The following CD48 variants were observed in gnomAD, a reference collection of about 807,000 sequenced individuals.
CD48 encodes the protein CD48 antigen.
A neutral mutation model predicts 22.0 loss-of-function variants in CD48; 20 were observed. The observed-to-expected ratio is 0.91, with a 90% CI of 0.64 to 1.32. The LOEUF is 1.32. Among genes scored for constraint, CD48 ranks in the 40% most tolerant of loss-of-function variants. The pLI is 0.00. For synonymous variants in CD48, 110 were observed against 110.1 expected, an observed-to-expected ratio of 1.00 and a Z score of 0.01; for missense variants, 307 against 286.5, an observed-to-expected ratio of 1.07 and a Z score of -0.52.
intron 3 of CD48, among the ~76,000 whole-genome samples, chr1:160,680,216 C>T (rs865928240): frequency 5.9e-5 from 9 of 152,258 alleles, no homozygotes; most frequent in East Asian, 5.8e-4. Flanking sequence ...AGAATGTGTA[C>T]GCTAGGGCTC....
At position 160,687,212 on chromosome 1, in the gene CD48, C is replaced by T. The variant is rs567925422; in HGVS notation, c.83-2023G>A. 1.2e-4 allele frequency among the ~76,000 whole-genome samples: 18 copies of T among 152,218 alleles called. No individual in the cohort carries two copies. The East Asian group carries it at 1.5e-3, about 13-fold the overall frequency. On this transcript the variant is annotated intron_variant, in intron 1 of 3. Transcript: ENST00000368046. ...TATGGCTCTGTTCTGCCTGGCTCAC[C>T]GGTGGTCAGAGTTTAAGGTTATCTC... is the stretch of plus-strand genomic sequence containing the variant.
At chr1:160,679,716 T>C (rs776769359) in intron 3 of CD48, among the ~76,000 whole-genome samples, 1 of 152,172 alleles carries the variant, frequency 6.6e-6, no homozygotes, top group African/African-American at 2.4e-5. Flanking sequence ...TCTAGGATAA[T>C]TTCGGTGACT....
Position 160,709,200 on chromosome 1 carries a change from C to T in CD48, c.82+2482G>A, listed in dbSNP as rs541446782. On this transcript the variant is annotated intron_variant, in intron 1 of 3. Coordinates refer to ENST00000368046, the MANE Select transcript of CD48 (RefSeq NM_001778.4). ...GAGATGATGACTTAAGTTTTAGACA[C>T]GTGTCTGGAGAGTCTAGAGAAGATG... Among the ~76,000 whole-genome samples the T allele has an allele frequency of 1.1e-3, 166 of 152,168 alleles. 1 individual carries two copies. The highest frequency in any genetic ancestry group is 3.7e-3 in the African/African-American group (153 of 41,508).
At position 160,701,630 on chromosome 1, in the gene CD48, A is replaced by G. The variant is rs115141229; in HGVS notation, c.82+10052T>C. Among the ~76,000 whole-genome samples the G allele has an allele frequency of 4.7e-3, 720 of 152,208 alleles. 7 individuals are homozygous for G. Among genetic ancestry groups the G allele is most frequent in the African/African-American group, 0.017 (689 of 41,540 alleles). On this transcript the variant is annotated intron_variant, in intron 1 of 3. Coordinates refer to ENST00000368046, the MANE Select transcript of CD48 (RefSeq NM_001778.4). ...TGGGAGCACTAGAAGAGTTATGTGG[A>G]ATATTAATTTCAGCCCTCTATTTTG...
Position 160,690,011 on chromosome 1 carries a change from G to A in CD48, c.83-4822C>T, listed in dbSNP as rs1426084328. Among the ~76,000 whole-genome samples, 143 of 152,298 alleles carry A rather than the reference G, an allele frequency of 9.4e-4. 1 individual carries two copies. On this transcript the variant is annotated intron_variant, in intron 1 of 3. Transcript: ENST00000368046. ...AAGTAAATAATGCCAAATGTAATTG[G>A]GAGTGTGGAGTAGTTAAATCATGTT... is the stretch of plus-strand genomic sequence containing the variant.
chr1:160,710,063 T>C (rs978873172), intron 1 of CD48, among the ~76,000 whole-genome samples: 1 of 152,120 alleles, frequency 6.6e-6, no homozygotes, highest in African/African-American at 2.4e-5. Context: ...AAAGAAGGCA[T>C]GTACATAAGC....
chr1:160,695,140 G>T (rs1662368191), intron 1 of CD48, among the ~76,000 whole-genome samples: 1 of 152,116 alleles, frequency 6.6e-6, no homozygotes, highest in Non-Finnish European at 1.5e-5. Context: ...TGAAAAATTT[G>T]CCTTTACTAT....
At chr1:160,702,384 G>A (rs1171530353) in intron 1 of CD48, among the ~76,000 whole-genome samples, 3 of 152,132 alleles carry the variant, frequency 2.0e-5, no homozygotes, top group Admixed American at 2.0e-4. Flanking sequence ...TGTGCTGGGG[G>A]TTGCACTGGG....
intron 1 of CD48, among the ~76,000 whole-genome samples, chr1:160,706,287 T>G (rs1662792897): frequency 6.6e-6 from 1 of 152,164 alleles, no homozygotes; most frequent in South Asian, 2.1e-4. Flanking sequence ...TTGGTCAGGC[T>G]AGTCTCAAAC....
At position 160,681,208 on chromosome 1, in the gene CD48, T is replaced by C. The variant is rs1401520766; in HGVS notation, c.646A>G (p.Thr216Ala). The C allele has an allele frequency of 1.2e-6, 2 of 1,614,036 alleles. No individual in the cohort carries two copies. The highest frequency in any genetic ancestry group is 2.2e-5 in the East Asian group (1 of 44,870). The change falls in exon 3 of 4, where the codon ACC becomes GCC. Residue 216 changes from threonine (T) to alanine (A), a missense_variant. By Grantham distance (58) the Thr-to-Ala change is moderately conservative. Transcript: ENST00000368046. ...NGTVCLSPPC[T>A]LARSFGVEWI... ...TCCCAGGGATCCTTCTTACCCAGGGTACAGGGTGGACTGAGGCAGACCGTG... is the reference window on the plus strand; with the variant it reads ...TCCCAGGGATCCTTCTTACCCAGGGCACAGGGTGGACTGAGGCAGACCGTG...
intron 1 of CD48, among the ~76,000 whole-genome samples, chr1:160,694,909 C>A (rs113859919): frequency 4.6e-5 from 7 of 151,426 alleles, no homozygotes; most frequent in Admixed American, 1.3e-4. Context: ...ACATATTGAG[C>A]CTTCATTCTC....
At chr1:160,689,300 A>C (rs1425761610) in intron 1 of CD48, among the ~76,000 whole-genome samples, 1 of 152,210 alleles carries the variant, frequency 6.6e-6, no homozygotes, top group Non-Finnish European at 1.5e-5. Flanking sequence ...AGGCATCTAC[A>C]CACTATCATT....
intron 2 of CD48, among the ~76,000 whole-genome samples, chr1:160,682,532 A>G (rs1453877276): frequency 7.0e-6 from 1 of 142,320 alleles, no homozygotes; most frequent in African/African-American, 2.5e-5. Flanking sequence ...AAAGAAAAAG[A>G]AGGGAGGGAG....
intron 3 of CD48, among the ~76,000 whole-genome samples, chr1:160,679,560 A>G (rs1183030905): frequency 6.6e-6 from 1 of 152,150 alleles, no homozygotes; most frequent in African/African-American, 2.4e-5. Flanking sequence ...TAGGAAGAAG[A>G]AGGGAAGAGA....
intron 1 of CD48, among the ~76,000 whole-genome samples, chr1:160,711,435 G>A (rs1662943198): frequency 6.6e-6 from 1 of 152,106 alleles, no homozygotes; most frequent in South Asian, 2.1e-4. Flanking sequence ...CAAAATATGA[G>A]GAGCCTACTT....
chr1:160,702,218 G>A (rs1490690018), intron 1 of CD48, among the ~76,000 whole-genome samples: 1 of 152,060 alleles, frequency 6.6e-6, no homozygotes, highest in Non-Finnish European at 1.5e-5. Context: ...TGACCCCCGT[G>A]GGGACAATCA....
At chr1:160,691,788 GA>G in intron 1 of CD48, 1 of 369,478 alleles carries the variant, frequency 2.7e-6, no homozygotes, top group Non-Finnish European at 4.8e-6. Flanking sequence ...TCTCTGGGGT[GA>G]AGGTACACTC....
At chr1:160,686,671 T>C (rs190825009) in intron 1 of CD48, 6 of 152,310 alleles carry the variant, frequency 3.9e-5, no homozygotes, top group Non-Finnish European at 8.8e-5. Context: ...AAGCTGAGCA[T>C]CTGGGGGAGA....
At chr1:160,687,938 C>G (rs188524774) in intron 1 of CD48, among the ~76,000 whole-genome samples, 13 of 152,282 alleles carry the variant, frequency 8.5e-5, no homozygotes, top group South Asian at 2.1e-4. Flanking sequence ...TCTTCTCTAC[C>G]TAGAAGGTGT....
Sources: gnomAD v4.1 joint callset for allele counts (sites outside exome capture counted in the v4.1 genomes callset) on GRCh38, gnomAD v4.1.1 for gene constraint, MANE v1.5 for transcripts, NCBI Gene and HGNC (gene_info 2026-07-23, HGNC 2026-07-21) for gene names.